FSD1L: variants seen among roughly 807,000 people sequenced by gnomAD.
The protein encoded by FSD1L is FSD1-like protein.
FSD1L carries 45 observed loss-of-function variants against 71.6 expected under a neutral mutation model. The ratio of observed to expected loss-of-function variants is 0.63; its 90% confidence interval spans 0.49 to 0.81. The LOEUF (loss-of-function observed/expected upper bound fraction) is 0.81, where lower values mean the gene tolerates loss of function less well. FSD1L is among the 30% of genes least tolerant of loss of function. The pLI, the probability that FSD1L is intolerant of heterozygous loss-of-function variation, is 0.00. For missense variants in FSD1L, 561 were observed against 618.1 expected (o/e 0.91, Z 0.98); for synonymous variants, 197 against 207.2 (o/e 0.95, Z 0.42).
intron 7 of FSD1L, among the ~76,000 whole-genome samples, chr9:105,488,842 ACTT>A (rs1470995779): frequency 9.6e-6 from 1 of 104,102 alleles, no homozygotes; most frequent in Non-Finnish European, 2.1e-5. Context: ...TTTTGGTACT[ACTT>A]ATGTTTTTAT....
chr9:105,519,891 G>T lies in FSD1L; in HGVS notation c.1025+6955G>T, dbSNP rs557894248. ...GTCTACCTCGCTCCGTGCAGGGCCGGGAGAGGGATCCGCCATATTGGAGCT... is the reference window on the plus strand; with the variant it reads ...GTCTACCTCGCTCCGTGCAGGGCCGTGAGAGGGATCCGCCATATTGGAGCT... On this transcript the variant is annotated intron_variant, in intron 10 of 13. Coordinates refer to ENST00000481272, the MANE Select transcript of FSD1L (RefSeq NM_001145313.3). Among the ~76,000 whole-genome samples, 387 of 152,328 alleles carry T rather than the reference G, an allele frequency of 2.5e-3. 2 individuals are homozygous for T. Among genetic ancestry groups the T allele is most frequent in the African/African-American group, 8.5e-3 (353 of 41,582 alleles).
At chr9:105,458,187 G>A (rs964015432) in intron 1 of FSD1L, among the ~76,000 whole-genome samples, 2 of 152,212 alleles carry the variant, frequency 1.3e-5, no homozygotes, top group African/African-American at 4.8e-5. Flanking sequence ...GTGGAAGTTG[G>A]GAGGGCTATA....
chr9:105,493,704 A>G (rs1386861944), intron 7 of FSD1L, among the ~76,000 whole-genome samples: 1 of 152,116 alleles, frequency 6.6e-6, no homozygotes, highest in Non-Finnish European at 1.5e-5. Flanking sequence ...TGGTGGTGAC[A>G]AAATCTCTCA....
At chr9:105,519,981 G>C (rs1835021027) in intron 10 of FSD1L, 2 of 1,357,016 alleles carry the variant, frequency 1.5e-6, no homozygotes, top group Non-Finnish European at 1.9e-6. Flanking sequence ...GGCCTGGATC[G>C]GGGAGGAGTC....
chr9:105,486,643 T>C (rs573177919), intron 7 of FSD1L, among the ~76,000 whole-genome samples: 1 of 152,300 alleles, frequency 6.6e-6, no homozygotes, highest in South Asian at 2.1e-4. Flanking sequence ...CTTCTTCATA[T>C]AGCTATCAGA....
intron 6 of FSD1L, among the ~76,000 whole-genome samples, chr9:105,480,294 CT>C (rs202199417): frequency 0.011 from 1,510 of 140,112 alleles, 18 homozygotes; most frequent in African/African-American, 0.034. Flanking sequence ...CTGGGTTTCT[CT>C]TTTTTTTTTT....
intron 10 of FSD1L, chr9:105,521,643 T>C (rs1036863523): frequency 1.9e-6 from 3 of 1,613,182 alleles, no homozygotes; most frequent in Non-Finnish European, 1.7e-6. Flanking sequence ...AGACCTCCCT[T>C]GCATTGAAAA....
intron 7 of FSD1L, among the ~76,000 whole-genome samples, chr9:105,504,758 T>C (rs993769397): frequency 1.3e-5 from 2 of 152,244 alleles, no homozygotes; most frequent in African/African-American, 4.8e-5. Context: ...ATGTCAATAG[T>C]TGTTATACTG....
intron 6 of FSD1L, among the ~76,000 whole-genome samples, chr9:105,483,623 A>G (rs1466877112): frequency 3.3e-5 from 5 of 152,236 alleles, no homozygotes; most frequent in African/African-American, 1.2e-4. Flanking sequence ...TTCAGTTTTA[A>G]TGGACTACAG....
chr9:105,472,850 C>T (rs1831561492), intron 5 of FSD1L: 1 of 152,026 alleles, frequency 6.6e-6, no homozygotes, highest in Non-Finnish European at 1.5e-5. Flanking sequence ...TTCTTTTAAA[C>T]ACATGAATCA....
In FSD1L at chr9:105,522,214, A is replaced by G. The variant is rs1056599443; in HGVS notation, c.1025+9278A>G. ...CTGTCAGTATTGTCATCGTTGACCT[A>G]TTGGGAAGAGTTGGCCACTGAGTGG... On this transcript the variant is annotated intron_variant, in intron 10 of 13. Transcript: ENST00000481272. 10 of 1,613,780 alleles carry G rather than the reference A, an allele frequency of 6.2e-6. 1 individual carries two copies. The African/African-American group carries it at 1.1e-4, about 17-fold the overall frequency.
intron 10 of FSD1L, chr9:105,523,376 A>G: frequency 6.2e-7 from 1 of 1,605,880 alleles, no homozygotes; most frequent in South Asian, 1.1e-5. Flanking sequence ...GTGAATTTCC[A>G]TCAGAATGTT....
intron 1 of FSD1L, among the ~76,000 whole-genome samples, chr9:105,456,269 A>G (rs928980221): frequency 6.6e-6 from 1 of 152,204 alleles, no homozygotes; most frequent in African/African-American, 2.4e-5. Flanking sequence ...GCTGTGTGAC[A>G]TATTAGCTTT....
At position 105,478,578 on chromosome 9, in the gene FSD1L, C is replaced by A. The variant is rs569982368; in HGVS notation, c.442-776C>A. Among the ~76,000 whole-genome samples the A allele has an allele frequency of 5.3e-5, 8 of 151,956 alleles. No individual in the cohort carries two copies. The East Asian group carries it at 1.5e-3, about 29-fold the overall frequency. On this transcript the variant is annotated intron_variant, in intron 5 of 13. Transcript: ENST00000481272. ...ATATTGTATGTAAATATAAAAGGGA[C>A]AACAGTTTTTACTTGTTTTTTATTA... is the stretch of plus-strand genomic sequence containing the variant.
At chr9:105,478,372 A>C (rs1208921248) in intron 5 of FSD1L, among the ~76,000 whole-genome samples, 1 of 152,236 alleles carries the variant, frequency 6.6e-6, no homozygotes, top group Non-Finnish European at 1.5e-5. Context: ...GAGAGGCCAC[A>C]GAAGCATTGC....
At position 105,525,816 on chromosome 9, in the gene FSD1L, A is replaced by G. The variant is rs1324840831; in HGVS notation, c.1026-8677A>G. 29 of 1,606,944 alleles carry G rather than the reference A, an allele frequency of 1.8e-5. No individual in the cohort carries two copies. In the East Asian group the frequency reaches 6.2e-4, roughly 35 times the overall value. Reference sequence around the variant, plus strand: ...TTACAAACCATTGTGGTTTTATGGGAGGACTACAAAAAAACAAAAGCACTG... The same window carrying G: ...TTACAAACCATTGTGGTTTTATGGGGGGACTACAAAAAAACAAAAGCACTG... On this transcript the variant is annotated intron_variant, in intron 10 of 13. Transcript: ENST00000481272.
chr9:105,481,175 GT>G (rs1832158966), intron 6 of FSD1L, among the ~76,000 whole-genome samples: 8 of 131,568 alleles, frequency 6.1e-5, no homozygotes, highest in Non-Finnish European at 1.1e-4. Flanking sequence ...GTGTGTGTGT[GT>G]GTGGTTCTTT....
At chr9:105,444,577 A>G (rs1829602416), upstream of FSD1L, among the ~76,000 whole-genome samples, 3 of 152,158 alleles carry the variant, frequency 2.0e-5, no homozygotes, top group Admixed American at 2.0e-4. Flanking sequence ...GAGGATACAG[A>G]ACCTGGTTCT....
chr9:105,469,103 C>CT (rs35842926), intron 4 of FSD1L, among the ~76,000 whole-genome samples: 1 of 152,162 alleles, frequency 6.6e-6, no homozygotes, highest in Non-Finnish European at 1.5e-5. Context: ...GGATTTCCTC[C>CT]TTTTTTGTGG....
Sources: allele counts gnomAD v4.1 joint callset (sites outside exome capture counted in the v4.1 genomes callset), GRCh38; gene constraint gnomAD v4.1.1; transcripts MANE v1.5; gene names NCBI Gene and HGNC (gene_info 2026-07-23, HGNC 2026-07-21).